Variants in SLIT3 observed in about 807,000 individuals in gnomAD.
SLIT3 encodes slit guidance ligand 3, also known as slit homolog 3 protein.
A neutral mutation model predicts 184.0 loss-of-function variants in SLIT3; 68 were observed. That is an observed-to-expected ratio of 0.37 (90% CI 0.30 to 0.45). The LOEUF is 0.45. Among genes scored for constraint, SLIT3 ranks in the 20% least tolerant of loss-of-function variants. The probability of loss-of-function intolerance (pLI) is 1.00; values close to 1 mark genes in which losing one functional copy is unlikely to be tolerated. For synonymous variants in SLIT3, 831 were observed against 828.6 expected, an observed-to-expected ratio of 1.00 and a Z score of -0.05; for missense variants, 1,707 against 2,026.0, an observed-to-expected ratio of 0.84 and a Z score of 3.02.
rs530903886 is a variant in SLIT3, at chr5:168,897,738, G to A, written c.414-14402C>T. On this transcript the variant is annotated intron_variant, in intron 4 of 35. Coordinates refer to ENST00000519560, the MANE Select transcript of SLIT3 (RefSeq NM_003062.4). ...AAAAGGGAAAGGCCAAGCAAGTATG[G>A]GGCTGGCAGACAGAGGTTCTTGCAA... 2.6e-5 allele frequency among the ~76,000 whole-genome samples: 4 copies of A among 151,884 alleles called. No homozygotes were observed. In the East Asian group the frequency reaches 7.8e-4, roughly 30 times the overall value.
intron 18 of SLIT3, among the ~76,000 whole-genome samples, chr5:168,751,557 G>A (rs1336110034): frequency 6.6e-6 from 1 of 152,110 alleles, no homozygotes; most frequent in African/African-American, 2.4e-5. Flanking sequence ...CTAACAAGAG[G>A]CACAGCCAGG....
At chr5:169,133,351 C>T (rs1761374307) in intron 4 of SLIT3, among the ~76,000 whole-genome samples, 2 of 152,170 alleles carry the variant, frequency 1.3e-5, no homozygotes, top group Non-Finnish European at 1.5e-5. Context: ...GTGGTGAGAG[C>T]CCACCTTTGC....
intron 7 of SLIT3, among the ~76,000 whole-genome samples, chr5:168,822,602 G>A (rs1757568622): frequency 6.6e-6 from 1 of 152,158 alleles, no homozygotes; most frequent in Non-Finnish European, 1.5e-5. Flanking sequence ...CAGGTAATAA[G>A]AGCACTAGAA....
At chr5:168,722,651 A>T (rs909494419) in intron 22 of SLIT3, among the ~76,000 whole-genome samples, 1 of 152,246 alleles carries the variant, frequency 6.6e-6, no homozygotes, top group African/African-American at 2.4e-5. Flanking sequence ...ATTGTGTAGG[A>T]AAACCATTTC....
rs139752080 is a variant in SLIT3 at position 168,810,605 on chromosome 5, T to TG, written c.794-4019dup. On this transcript the variant is annotated intron_variant, in intron 8 of 35. Transcript: ENST00000519560. ...TGTGGCTCAATACGCGTCTCCCCTC[T>TG]GGGGGGGACTTGGTCACCACTTCGG... 6.7e-3 allele frequency among the ~76,000 whole-genome samples: 1,023 copies of TG among 152,332 alleles called. 2 individuals carry two copies. Among genetic ancestry groups the TG allele is most frequent in the African/African-American group, 0.01 (434 of 41,586 alleles).
At chr5:168,852,193 G>A (rs1758704188) in intron 5 of SLIT3, among the ~76,000 whole-genome samples, 1 of 152,238 alleles carries the variant, frequency 6.6e-6, no homozygotes, top group Non-Finnish European at 1.5e-5. Context: ...CCCGGCAGAG[G>A]CGCAGGAGGG....
chr5:169,082,902 A>T (rs1235886861), intron 4 of SLIT3, among the ~76,000 whole-genome samples: 1 of 152,240 alleles, frequency 6.6e-6, no homozygotes, highest in Non-Finnish European at 1.5e-5. Flanking sequence ...ACACATTGAC[A>T]AATGTCTTCT....
intron 5 of SLIT3, among the ~76,000 whole-genome samples, chr5:168,879,811 A>G (rs931838323): frequency 1.3e-5 from 2 of 152,212 alleles, no homozygotes; most frequent in South Asian, 2.1e-4. Context: ...GGATCTTCCA[A>G]GCCTGGCTCC....
intron 4 of SLIT3, among the ~76,000 whole-genome samples, chr5:169,150,302 G>A (rs747910723): frequency 2.0e-5 from 3 of 152,152 alleles, no homozygotes; most frequent in African/African-American, 4.8e-5. Context: ...GATGCCTTGT[G>A]TGCTTGCCAT....
At chr5:168,813,975 C>T (rs963691091) in intron 8 of SLIT3, among the ~76,000 whole-genome samples, 8 of 152,202 alleles carry the variant, frequency 5.3e-5, no homozygotes, top group African/African-American at 1.9e-4. Context: ...TGCCTCTTTT[C>T]CTCCTGAGTG....
At chr5:169,000,306 C>G (rs1162074398) in intron 4 of SLIT3, among the ~76,000 whole-genome samples, 1 of 141,902 alleles carries the variant, frequency 7.0e-6, no homozygotes, top group African/African-American at 2.7e-5. Context: ...GCAGGAGAAT[C>G]GCTTGAACCT....
rs1302826583 is a variant in SLIT3, at chr5:168,820,007, G to A, written c.630-2544C>T. On this transcript the variant is annotated intron_variant, in intron 7 of 35. Coordinates refer to ENST00000519560, the MANE Select transcript of SLIT3 (RefSeq NM_003062.4). ...TGTATCCACCAGAAATGCTAAAAGA[G>A]TCAAGCTGGGTAGATTCTTGCCTTT... Among the ~76,000 whole-genome samples, 4 of 152,162 alleles carry A rather than the reference G, an allele frequency of 2.6e-5. No homozygotes were observed. In the East Asian group the frequency reaches 7.7e-4, roughly 29 times the overall value.
Position 168,954,915 on chromosome 5 carries a change from A to G in SLIT3, c.414-71579T>C, listed in dbSNP as rs891295507. 2.0e-5 allele frequency among the ~76,000 whole-genome samples: 3 copies of G among 152,218 alleles called. No individual in the cohort carries two copies. In the South Asian group the frequency reaches 6.2e-4, roughly 32 times the overall value. Reference sequence around the variant, plus strand: ...AGTTTTAATGGTGAAAACTTTAAGAAACGTGTCTATGTGTCAGATTTAGCC... The same window carrying G: ...AGTTTTAATGGTGAAAACTTTAAGAGACGTGTCTATGTGTCAGATTTAGCC... On this transcript the variant is annotated intron_variant, in intron 4 of 35. Transcript: ENST00000519560.
At chr5:169,028,282 CA>C (rs1756901836) in intron 4 of SLIT3, among the ~76,000 whole-genome samples, 1 of 152,006 alleles carries the variant, frequency 6.6e-6, no homozygotes, top group South Asian at 2.1e-4. Flanking sequence ...CTTCAGAGCT[CA>C]GGGGGACTTG....
rs1254743122 is a variant in SLIT3, at chr5:168,736,838, T to C, written c.2270+11464A>G. On this transcript the variant is annotated intron_variant, in intron 20 of 35. Coordinates refer to ENST00000519560, the MANE Select transcript of SLIT3 (RefSeq NM_003062.4). ...TTTCTGCCACAGGGAGGACTTGGGG[T>C]CAGATGGACCTGGGCTTGAGTCTAT... Among the ~76,000 whole-genome samples the C allele has an allele frequency of 2.6e-5, 4 of 152,136 alleles. No homozygotes were observed. The East Asian group carries it at 7.7e-4, about 29-fold the overall frequency.
intron 3 of SLIT3, among the ~76,000 whole-genome samples, chr5:169,198,480 C>T (rs557806843): frequency 5.9e-5 from 9 of 152,174 alleles, no homozygotes; most frequent in Non-Finnish European, 1.2e-4. Context: ...CAGAGGTGAC[C>T]TGCGAACACA....
intron 27 of SLIT3, among the ~76,000 whole-genome samples, chr5:168,697,762 C>G (rs1762103737): frequency 6.6e-6 from 1 of 152,188 alleles, no homozygotes; most frequent in Non-Finnish European, 1.5e-5. Context: ...ATGACTCATT[C>G]TTTTTTCCTG....
At chr5:168,700,772 A>T (rs1762190990) in intron 26 of SLIT3, 93 bp from the exon 27 acceptor site, 2 of 919,332 alleles carry the variant, frequency 2.2e-6, no homozygotes, top group African/African-American at 3.2e-5. Context: ...ATTCTCTGTG[A>T]TGAGGCTGGG....
intron 4 of SLIT3, among the ~76,000 whole-genome samples, chr5:169,092,302 G>C (rs141547059): frequency 1.2e-3 from 185 of 152,328 alleles, no homozygotes; most frequent in African/African-American, 4.2e-3. Flanking sequence ...AGGAGCTGTG[G>C]CCATTGCTAG....
Sources: allele counts gnomAD v4.1 joint callset (sites outside exome capture counted in the v4.1 genomes callset), GRCh38; gene constraint gnomAD v4.1.1; transcripts MANE v1.5; gene names NCBI Gene and HGNC (gene_info 2026-07-23, HGNC 2026-07-21).